TTLL5: variants seen among roughly 807,000 people sequenced by gnomAD.
The protein encoded by TTLL5 is tubulin tyrosine ligase like 5, also known as tubulin polyglutamylase TTLL5.
Under a neutral mutation model 168.4 loss-of-function variants are expected in TTLL5, and 132 were observed. The observed-to-expected ratio is 0.78, with a 90% CI of 0.68 to 0.91. TTLL5 has a LOEUF of 0.91. Among genes scored for constraint, TTLL5 ranks in the 40% least tolerant of loss-of-function variants. The pLI, the probability that TTLL5 is intolerant of heterozygous loss-of-function variation, is 0.00. For synonymous variants in TTLL5, 546 were observed against 558.6 expected, an observed-to-expected ratio of 0.98 and a Z score of 0.32; for missense variants, 1,545 against 1,581.5, an observed-to-expected ratio of 0.98 and a Z score of 0.39.
At chr14:75,757,187 A>G (rs1355469876) in intron 18 of TTLL5, among the ~76,000 whole-genome samples, 1 of 152,162 alleles carries the variant, frequency 6.6e-6, no homozygotes, top group Non-Finnish European at 1.5e-5. Context: ...CGTATTGCCC[A>G]GGCTGGTCTT....
intron 27 of TTLL5, among the ~76,000 whole-genome samples, chr14:75,819,331 G>A (rs1017902264): frequency 3.3e-5 from 5 of 152,190 alleles, no homozygotes; most frequent in Non-Finnish European, 1.5e-5. Context: ...AGTAGTATAA[G>A]TACCTAATTT....
At chr14:75,951,845 G>A (rs1674869537) in intron 31 of TTLL5, among the ~76,000 whole-genome samples, 1 of 152,182 alleles carries the variant, frequency 6.6e-6, no homozygotes, top group Admixed American at 6.5e-5. Flanking sequence ...TTAGTATCCA[G>A]ATATTTAAGC....
intron 12 of TTLL5, among the ~76,000 whole-genome samples, chr14:75,730,672 G>A (rs571494934): frequency 6.6e-6 from 1 of 152,076 alleles, no homozygotes; most frequent in African/African-American, 2.4e-5. Context: ...CTCAGAGAGA[G>A]AAATGATTTC....
chr14:75,841,244 T>G (rs1362339007), intron 28 of TTLL5, among the ~76,000 whole-genome samples: 3 of 152,222 alleles, frequency 2.0e-5, no homozygotes, highest in Non-Finnish European at 1.5e-5. Flanking sequence ...TTCTAAATCA[T>G]GTTTATTCTG....
intron 31 of TTLL5, among the ~76,000 whole-genome samples, chr14:75,916,710 A>G (rs957299810): frequency 2.0e-5 from 3 of 152,254 alleles, no homozygotes; most frequent in African/African-American, 7.2e-5. Context: ...AAAGAATTGA[A>G]AGCAGAGACA....
At chr14:75,848,309 T>A (rs973322635) in intron 28 of TTLL5, among the ~76,000 whole-genome samples, 12 of 152,118 alleles carry the variant, frequency 7.9e-5, no homozygotes, top group Non-Finnish European at 1.2e-4. Flanking sequence ...CCAGCTACAA[T>A]TCAATGTAGA....
intron 3 of TTLL5, among the ~76,000 whole-genome samples, chr14:75,680,341 G>T (rs74749815): frequency 0.035 from 5,391 of 152,212 alleles, 140 homozygotes; most frequent in African/African-American, 0.069. Context: ...AATGGGGCAG[G>T]TGCAGTTCTC....
intron 27 of TTLL5, among the ~76,000 whole-genome samples, chr14:75,800,866 G>A (rs1893266996): frequency 6.6e-6 from 1 of 152,196 alleles, no homozygotes; most frequent in Non-Finnish European, 1.5e-5. Flanking sequence ...TGATCTGGTG[G>A]AGGTAGCAGG....
At chr14:75,854,834 A>G (rs1474469848) in intron 28 of TTLL5, among the ~76,000 whole-genome samples, 1 of 152,090 alleles carries the variant, frequency 6.6e-6, no homozygotes, top group African/African-American at 2.4e-5. Context: ...ATGTTCTTAA[A>G]TCTCATTATT....
At chr14:75,707,799 A>C (rs1038236212) in intron 9 of TTLL5, 92 bp downstream of exon 9, 1 of 1,094,722 alleles carries the variant, frequency 9.1e-7, no homozygotes, top group Non-Finnish European at 1.4e-6. Context: ...ATTAAATCAG[A>C]TCATGCTATT....
chr14:75,863,737 G>T lies in TTLL5; in HGVS notation c.3397G>T (p.Val1133Leu), dbSNP rs777283024. Residue 1133 changes from valine (V) to leucine (L), a missense_variant, in exon 29 of 32, where the codon GTG becomes TTG. Physicochemically the swap from Val to Leu is conservative, Grantham distance 32 (BLOSUM62 1). Transcript: ENST00000298832. ...ENNVYSQATGVVPQHKYHPTA... is the reference protein window; with the variant it reads ...ENNVYSQATGLVPQHKYHPTA... ...CAACGTGTACAGCCAGGCTACAGGG[G>T]TGGTCCCCCAGCACAAGTATCACCC... 3 of 1,613,562 alleles carry T rather than the reference G, an allele frequency of 1.9e-6. No individual in the cohort carries two copies. The highest frequency in any genetic ancestry group is 2.5e-6 in the Non-Finnish European group (3 of 1,179,848).
At chr14:75,816,981 T>TA (rs1306026238) in intron 27 of TTLL5, among the ~76,000 whole-genome samples, 1 of 142,750 alleles carries the variant, frequency 7.0e-6, no homozygotes, top group South Asian at 2.4e-4. Flanking sequence ...CTTATTTTTT[T>TA]TTTTTTTTTT....
chr14:75,858,640 A>T (rs986060731), intron 28 of TTLL5, among the ~76,000 whole-genome samples: 1 of 152,208 alleles, frequency 6.6e-6, no homozygotes, highest in Non-Finnish European at 1.5e-5. Context: ...AACTGACAGT[A>T]TTTGTTGTCA....
At chr14:75,782,677 C>A in intron 25 of TTLL5, 104 bp downstream of exon 25, 1 of 905,606 alleles carries the variant, frequency 1.1e-6, no homozygotes, top group Non-Finnish European at 1.6e-6. Context: ...GGAACATTAC[C>A]CCAAAGAAAT....
At chr14:75,701,342 T>C (rs897092893) in intron 7 of TTLL5, among the ~76,000 whole-genome samples, 52 of 152,194 alleles carry the variant, frequency 3.4e-4, no homozygotes, top group African/African-American at 1.3e-3. Flanking sequence ...TGATGATCCT[T>C]ACATGTTGGA....
chr14:75,683,805 G>A (rs1327784403), intron 5 of TTLL5, 149 bp downstream of exon 5: 8 of 543,656 alleles, frequency 1.5e-5, no homozygotes, highest in Admixed American at 3.2e-5. Flanking sequence ...GATGAGTATC[G>A]CTCTGTCACC....
intron 19 of TTLL5, among the ~76,000 whole-genome samples, chr14:75,765,172 C>G (rs1890887528): frequency 6.6e-6 from 1 of 152,308 alleles, no homozygotes; most frequent in Admixed American, 6.5e-5. Context: ...ATTTCTTTCT[C>G]TCCTAGCTTC....
chr14:75,757,978 A>G, intron 18 of TTLL5: 1 of 1,129,556 alleles, frequency 8.9e-7, no homozygotes, highest in South Asian at 3.2e-5. Flanking sequence ...GTTCAGCTTG[A>G]ATAGTAACAT....
At chr14:75,850,157 A>G (rs1428738373) in intron 28 of TTLL5, among the ~76,000 whole-genome samples, 1 of 152,098 alleles carries the variant, frequency 6.6e-6, no homozygotes, top group Non-Finnish European at 1.5e-5. Flanking sequence ...CTGTAATCCC[A>G]GCACTTTGGG....
Sources: allele counts gnomAD v4.1 joint callset (sites outside exome capture counted in the v4.1 genomes callset), GRCh38; gene constraint gnomAD v4.1.1; transcripts MANE v1.5; gene names NCBI Gene and HGNC (gene_info 2026-07-23, HGNC 2026-07-21).